The following DAPK1 variants were observed in gnomAD, a reference collection of about 807,000 sequenced individuals.
DAPK1 encodes the protein death-associated protein kinase 1.
Under a neutral mutation model 144.9 loss-of-function variants are expected in DAPK1, and 56 were observed. The ratio of observed to expected loss-of-function variants is 0.39; its 90% CI spans 0.31 to 0.48. The LOEUF is 0.48. Ranked by LOEUF, DAPK1 falls within the 20% of genes least tolerant of loss-of-function variation. The pLI is 0.95. For missense variants in DAPK1, 1,454 were observed against 1,875.4 expected, an observed-to-expected ratio of 0.78 and a Z score of 4.15; for synonymous variants, 690 against 749.0, an observed-to-expected ratio of 0.92 and a Z score of 1.29.
At chr9:87,614,684 C>A (rs919471621) in intron 3 of DAPK1, among the ~76,000 whole-genome samples, 2 of 152,202 alleles carry the variant, frequency 1.3e-5, no homozygotes, top group Non-Finnish European at 2.9e-5. Context: ...CTCACAGGTA[C>A]TGGTTTTGCC....
rs36217443 is a variant in DAPK1, at chr9:87,678,317, G to A, written c.2002-3087G>A. ...TATAACACAGACCTTGTGGGAGCAT[G>A]CGCATAGTGAAATATGCTGGATGTC... On this transcript the variant is annotated intron_variant, in intron 19 of 25. Transcript: ENST00000408954. Among the ~76,000 whole-genome samples the A allele has an allele frequency of 9.3e-3, 1,412 of 152,338 alleles. 16 individuals carry two copies. The highest frequency in any genetic ancestry group is 0.011 in the Non-Finnish European group (730 of 68,040).
At chr9:87,619,296 T>A (rs1330179577) in intron 3 of DAPK1, among the ~76,000 whole-genome samples, 1 of 152,246 alleles carries the variant, frequency 6.6e-6, no homozygotes, top group Non-Finnish European at 1.5e-5. Flanking sequence ...TCTCCTGCAG[T>A]GGACTGTGAG....
At chr9:87,549,428 C>T (rs1235772894) in intron 2 of DAPK1, among the ~76,000 whole-genome samples, 1 of 152,022 alleles carries the variant, frequency 6.6e-6, no homozygotes, top group African/African-American at 2.4e-5. Context: ...TATAATAGAA[C>T]AATTTGTATG....
At chr9:87,537,622 T>C (rs1270919432) in intron 2 of DAPK1, among the ~76,000 whole-genome samples, 1 of 152,040 alleles carries the variant, frequency 6.6e-6, no homozygotes, top group Non-Finnish European at 1.5e-5. Flanking sequence ...TAAGTAGATA[T>C]ATGTATGTGG....
At chr9:87,608,390 G>A (rs1367172948) in intron 3 of DAPK1, among the ~76,000 whole-genome samples, 2 of 152,126 alleles carry the variant, frequency 1.3e-5, no homozygotes, top group Non-Finnish European at 2.9e-5. Flanking sequence ...ACCCATTTGG[G>A]TTGTTTCTGG....
At chr9:87,569,604 A>G (rs1827259303) in intron 2 of DAPK1, among the ~76,000 whole-genome samples, 1 of 152,194 alleles carries the variant, frequency 6.6e-6, no homozygotes, top group South Asian at 2.1e-4. Context: ...ACTGCTGGAG[A>G]ATTCAAGCTG....
At chr9:87,611,173 T>A (rs539645386) in intron 3 of DAPK1, among the ~76,000 whole-genome samples, 68 of 152,120 alleles carry the variant, frequency 4.5e-4, no homozygotes, top group South Asian at 1.2e-3. Flanking sequence ...ATGATTTTTT[T>A]AAAAAATATA....
chr9:87,498,358 A>G (rs13300553), intron 1 of DAPK1, among the ~76,000 whole-genome samples: 72,954 of 151,994 alleles, frequency 0.48, 17,732 homozygotes, highest in Middle Eastern at 0.57. Context: ...ATCTGGAGCG[A>G]ACTGCTGCGC....
intron 19 of DAPK1, among the ~76,000 whole-genome samples, chr9:87,669,566 A>G (rs1831184159): frequency 6.6e-6 from 1 of 152,100 alleles, no homozygotes; most frequent in Non-Finnish European, 1.5e-5. Flanking sequence ...TAAAAACCAC[A>G]AACTATCTAG....
chr9:87,523,480 T>C (rs764833281), intron 2 of DAPK1, among the ~76,000 whole-genome samples: 12 of 152,156 alleles, frequency 7.9e-5, no homozygotes, highest in Non-Finnish European at 1.2e-4. Flanking sequence ...AAAAATTTAT[T>C]GTAGAGAAGA....
intron 2 of DAPK1, among the ~76,000 whole-genome samples, chr9:87,604,171 AG>A (rs942975329): frequency 6.6e-6 from 1 of 151,328 alleles, no homozygotes; most frequent in Non-Finnish European, 1.5e-5. Context: ...AGCGGCTTTG[AG>A]GGGGGGGTTC....
At chr9:87,632,753 A>T (rs780471713) in intron 3 of DAPK1, 11 of 982,154 alleles carry the variant, frequency 1.1e-5, no homozygotes, top group Non-Finnish European at 1.3e-5. Context: ...TGTAGGGAAG[A>T]AGGAGGATGA....
chr9:87,657,634 T>C (rs1830674322), intron 17 of DAPK1: 1 of 246,248 alleles, frequency 4.1e-6, no homozygotes, highest in Non-Finnish European at 8.0e-6. Flanking sequence ...GCTTATGGGC[T>C]TGTCCTGGTA....
At chr9:87,613,319 G>A (rs1009277691) in intron 3 of DAPK1, among the ~76,000 whole-genome samples, 3 of 152,030 alleles carry the variant, frequency 2.0e-5, no homozygotes, top group African/African-American at 4.8e-5. Flanking sequence ...GAACCTTTTC[G>A]TCTTGCAAAA....
chr9:87,649,837 A>G, intron 15 of DAPK1, 84 bp from the exon 16 acceptor site: 1 of 1,428,004 alleles, frequency 7.0e-7, no homozygotes, highest in East Asian at 2.3e-5. Context: ...TTTCTGCCAA[A>G]TTTGACAGGG....
intron 2 of DAPK1, among the ~76,000 whole-genome samples, chr9:87,549,644 A>G (rs12683332): frequency 0.12 from 18,136 of 152,248 alleles, 1,379 homozygotes; most frequent in Admixed American, 0.16. Context: ...AAGAGTACAC[A>G]TCTCAGCACA....
At chr9:87,661,922 C>G (rs1025014858) in intron 18 of DAPK1, among the ~76,000 whole-genome samples, 8 of 152,102 alleles carry the variant, frequency 5.3e-5, no homozygotes, top group African/African-American at 1.9e-4. Flanking sequence ...GAAAGTTTTC[C>G]CTGAGTTTTC....
At chr9:87,609,034 C>T (rs775117411) in intron 3 of DAPK1, among the ~76,000 whole-genome samples, 2 of 152,138 alleles carry the variant, frequency 1.3e-5, no homozygotes, top group Non-Finnish European at 2.9e-5. Context: ...AGAACACATT[C>T]GGGAATGTGG....
intron 18 of DAPK1, among the ~76,000 whole-genome samples, chr9:87,659,279 C>T (rs183981627): frequency 1.3e-5 from 2 of 152,212 alleles, no homozygotes; most frequent in East Asian, 1.9e-4. Context: ...ACCAGTACTC[C>T]GCATGGGGTG....
Sources: allele counts gnomAD v4.1 joint callset (sites outside exome capture counted in the v4.1 genomes callset), GRCh38; gene constraint gnomAD v4.1.1; transcripts MANE v1.5; gene names NCBI Gene and HGNC (gene_info 2026-07-23, HGNC 2026-07-21).